The following ABCA5 variants were observed in gnomAD, a reference collection of about 807,000 sequenced individuals.
ABCA5 encodes the protein ATP binding cassette subfamily A member 5, also known as cholesterol transporter ABCA5.
Under a neutral mutation model 206.0 loss-of-function variants are expected in ABCA5, and 163 were observed. The observed-to-expected ratio is 0.79, with a 90% CI of 0.70 to 0.90. The LOEUF (loss-of-function observed/expected upper bound fraction) is 0.90. Among genes scored for constraint, ABCA5 ranks in the 40% least tolerant of loss-of-function variants. The pLI is 0.00. For synonymous variants in ABCA5, 609 were observed against 613.8 expected (o/e 0.99, Z 0.11); for missense variants, 1,859 against 1,912.9 (o/e 0.97, Z 0.53).
chr17:69,275,298 G>A (rs2075319527), intron 19 of ABCA5, among the ~76,000 whole-genome samples: 1 of 152,160 alleles, frequency 6.6e-6, no homozygotes, highest in African/African-American at 2.4e-5. Context: ...GGCAAAGCAA[G>A]GTATACTACA....
chr17:69,298,313 A>AGG, intron 9 of ABCA5, among the ~76,000 whole-genome samples: 1 of 139,886 alleles, frequency 7.1e-6, no homozygotes, highest in Non-Finnish European at 1.6e-5. Flanking sequence ...AGAAAGAGAG[A>AGG]GAGAGGAAGG....
rs28622968 is a variant in ABCA5 at position 69,326,304 on chromosome 17, T to C, written c.-16+748A>G. ...CAGCAAATACTCCTCTTCCCTTAGA[T>C]TCCTTCAGAACGCCCTTGTAGAAAG... On this transcript the variant is annotated intron_variant, in intron 1 of 38. Transcript: ENST00000392676. This position sits in a 1 kb window ranked among gnomAD's most constrained non-coding sequence, Gnocchi z 4.8. Among the ~76,000 whole-genome samples the C allele has an allele frequency of 2.1e-3, 315 of 152,364 alleles. 3 individuals are homozygous for C. Among genetic ancestry groups the C allele is most frequent in the African/African-American group, 7.3e-3 (305 of 41,588 alleles).
chr17:69,260,575 A>G (rs945925006), intron 26 of ABCA5, among the ~76,000 whole-genome samples, 163 bp from the exon 27 acceptor site: 3 of 151,910 alleles, frequency 2.0e-5, no homozygotes, highest in Non-Finnish European at 2.9e-5. Flanking sequence ...CTGTCCCAAA[A>G]TATTTCTGAG....
intron 34 of ABCA5, among the ~76,000 whole-genome samples, chr17:69,252,201 A>C (rs922743862): frequency 6.6e-6 from 1 of 151,854 alleles, no homozygotes; most frequent in Admixed American, 6.6e-5. Flanking sequence ...TTTTTAATAG[A>C]GACGGGGTTT....
intron 9 of ABCA5, among the ~76,000 whole-genome samples, chr17:69,300,571 C>T (rs183914689): frequency 8.1e-4 from 124 of 152,168 alleles, no homozygotes; most frequent in African/African-American, 2.9e-3. Flanking sequence ...GGAATGTGGC[C>T]TGTGCTACTG....
intron 19 of ABCA5, among the ~76,000 whole-genome samples, chr17:69,275,335 C>G (rs1462330849): frequency 6.6e-6 from 1 of 152,170 alleles, no homozygotes. Context: ...AGAGCAGCTA[C>G]TTATCTGATA....
rs2074947069 is a variant in ABCA5, at chr17:69,246,102, C to T, written c.*1435G>A. On this transcript the variant is annotated 3_prime_UTR_variant, in exon 39 of 39. Transcript: ENST00000392676. ...GAAAATATCAGCCACGTACTTTGTA[C>T]CGAGAAAGAACACTTTTAAATCCAC... is the stretch of plus-strand genomic sequence containing the variant. 6.6e-6 allele frequency: 1 copy of T among 151,842 alleles called. No individual in the cohort carries two copies. Among genetic ancestry groups the T allele is most frequent in the Admixed American group, 6.6e-5 (1 of 15,240 alleles). The allele number at this position is 151,842 out of a possible 1,614,324, so 9.4% of individuals were successfully genotyped here.
Position 69,289,930 on chromosome 17 carries a change from T to C in ABCA5, c.1714A>G (p.Thr572Ala), listed in dbSNP as rs1198548274. 6.2e-6 allele frequency: 10 copies of C among 1,612,144 alleles called. No individual in the cohort carries two copies. The highest frequency in any genetic ancestry group is 1.7e-5 in the Admixed American group (1 of 59,764). ...AAAATTGATAAATTTTCTTCTACTG[T>C]CAAAACATCAAAGTGTATATCTAAC... Reference protein sequence around the residue: ...PQLDIHFDVLTVEENLSILAS... With the variant: ...PQLDIHFDVLAVEENLSILAS... The change falls in exon 13 of 39, where the codon ACA becomes GCA. Residue 572 changes from threonine (T) to alanine (A), a missense_variant. Transcript: ENST00000392676.
intron 20 of ABCA5, 114 bp downstream of exon 20, chr17:69,273,845 T>C: frequency 1.0e-6 from 1 of 976,060 alleles, no homozygotes; most frequent in Non-Finnish European, 1.5e-6. Flanking sequence ...TTAGATTTCA[T>C]GCAGACAGAC....
intron 24 of ABCA5, among the ~76,000 whole-genome samples, chr17:69,263,697 C>CTTTTTTTTTTTTTTTTTTTTTTTTTTTT (rs58369537): frequency 8.7e-5 from 9 of 103,672 alleles, no homozygotes; most frequent in African/African-American, 2.2e-4. Flanking sequence ...ACATGGATTC[C>CTTTTTTTTTTTTTTTTTTTTTTTTTTTT]TTTTTTTTTT....
chr17:69,293,583 C>T (rs1304913162), intron 11 of ABCA5, among the ~76,000 whole-genome samples: 1 of 151,972 alleles, frequency 6.6e-6, no homozygotes. Context: ...AAACCTTATC[C>T]AATCAGTTGA....
At chr17:69,294,580 TC>T in intron 11 of ABCA5, 74 bp downstream of exon 11, 1 of 1,257,798 alleles carries the variant, frequency 8.0e-7, no homozygotes, top group Non-Finnish European at 1.1e-6. Context: ...AGTTTAAATT[TC>T]CCACAAGCTA....
intron 18 of ABCA5, among the ~76,000 whole-genome samples, chr17:69,282,637 TGGGCGCCTGTAATCCCAGC>T (rs1317731756): frequency 8.2e-6 from 1 of 122,334 alleles, no homozygotes; most frequent in Non-Finnish European, 1.9e-5. Flanking sequence ...GGCGTGGTGG[TGGGCGCCTGTAATCCCAGC>T]TGTTTGGGAG....
At chr17:69,295,634 G>A (rs942177702) in intron 10 of ABCA5, among the ~76,000 whole-genome samples, 1 of 151,998 alleles carries the variant, frequency 6.6e-6, no homozygotes, top group African/African-American at 2.4e-5. Flanking sequence ...CTCTCAACTG[G>A]GCATTGGCAT....
chr17:69,307,467 A>G (rs890476169), intron 5 of ABCA5, among the ~76,000 whole-genome samples: 17 of 152,092 alleles, frequency 1.1e-4, no homozygotes. Context: ...TAATGCCTAA[A>G]TTGAAATCTA....
In ABCA5 at chr17:69,254,490, C is replaced by G. The variant is rs1463262164; in HGVS notation, c.4069G>C (p.Val1357Leu). Residue 1357 changes from valine to leucine, a missense_variant and splice_region_variant, in exon 32 of 39, where the codon GTA (valine) becomes CTA (leucine). By Grantham distance (32) the Val-to-Leu change is conservative. Coordinates refer to ENST00000392676, the MANE Select transcript of ABCA5 (RefSeq NM_172232.4). ...VGDIEPTSGQ[V>L]FLGDYSSETS... ...TCTGAAGAATAATCTCCTAAAAATA[C>G]CTATAGAAACACAAACCAATTTTTA... The G allele has an allele frequency of 1.2e-6, 2 of 1,607,598 alleles. No homozygotes were observed.
chr17:69,315,778 G>A (rs1230488988), intron 1 of ABCA5, among the ~76,000 whole-genome samples: 3 of 81,864 alleles, frequency 3.7e-5, no homozygotes, highest in Non-Finnish European at 8.5e-5. Flanking sequence ...GCAAGGATCC[G>A]CCTCAAAAAA....
chr17:69,277,586 A>G (rs2075348093), intron 19 of ABCA5, 55 bp downstream of exon 19: 4 of 1,394,566 alleles, frequency 2.9e-6, no homozygotes, highest in African/African-American at 3.0e-5. Context: ...TGGTAAAACC[A>G]ATGTGTATCC....
chr17:69,277,161 T>G (rs1469791270), intron 19 of ABCA5, among the ~76,000 whole-genome samples: 1 of 152,236 alleles, frequency 6.6e-6, no homozygotes, highest in Non-Finnish European at 1.5e-5. Context: ...GCCTTCTTTA[T>G]TTTTCAGTTT....
Sources: gnomAD v4.1 joint callset for allele counts (sites outside exome capture counted in the v4.1 genomes callset) on GRCh38, gnomAD v4.1.1 for gene constraint, Gnocchi (gnomAD v3.1) non-coding constraint, MANE v1.5 for transcripts, NCBI Gene and HGNC (gene_info 2026-07-23, HGNC 2026-07-21) for gene names.